Variants in ULK4 observed in about 807,000 individuals in gnomAD.
ULK4 encodes the protein inactive serine/threonine-protein kinase ULK4.
Under a neutral mutation model 160.6 loss-of-function variants are expected in ULK4, and 133 were observed. The ratio of observed to expected loss-of-function variants is 0.83; its 90% confidence interval spans 0.72 to 0.96. The LOEUF (loss-of-function observed/expected upper bound fraction) is 0.96. Among genes scored for constraint, ULK4 ranks in the 40% least tolerant of loss-of-function variants. ULK4 has a pLI of 0.00. For synonymous variants in ULK4, 534 were observed against 539.8 expected, an observed-to-expected ratio of 0.99 and a Z score of 0.15; for missense variants, 1,580 against 1,499.5, an observed-to-expected ratio of 1.05 and a Z score of -0.89.
At chr3:41,893,753 G>A (rs1353594909) in intron 16 of ULK4, among the ~76,000 whole-genome samples, 3 of 151,756 alleles carry the variant, frequency 2.0e-5, no homozygotes, top group Non-Finnish European at 4.4e-5. Flanking sequence ...TTTACAATAC[G>A]TAATATATAT....
intron 30 of ULK4, among the ~76,000 whole-genome samples, chr3:41,629,836 A>T (rs1077101): frequency 0.046 from 6,974 of 151,830 alleles, 216 homozygotes; most frequent in African/African-American, 0.075. Flanking sequence ...ATAAAAAAAA[A>T]AAATATAAAA....
chr3:41,853,457 C>T (rs529938975), intron 17 of ULK4, among the ~76,000 whole-genome samples: 48 of 152,290 alleles, frequency 3.2e-4, no homozygotes, highest in African/African-American at 9.9e-4. Context: ...AGAACAGACT[C>T]CTCATGGCAA....
intron 20 of ULK4, among the ~76,000 whole-genome samples, chr3:41,796,418 C>T (rs2040301860): frequency 6.6e-6 from 1 of 151,990 alleles, no homozygotes; most frequent in African/African-American, 2.4e-5. Context: ...ATGAAACATC[C>T]TCTCTACTAA....
chr3:41,395,871 G>C (rs937713805), intron 35 of ULK4, among the ~76,000 whole-genome samples: 1 of 152,064 alleles, frequency 6.6e-6, no homozygotes, highest in South Asian at 2.1e-4. Context: ...AAAATCACTT[G>C]GATTCAACTT....
intron 21 of ULK4, among the ~76,000 whole-genome samples, chr3:41,767,116 T>C (rs1409030804): frequency 6.6e-6 from 1 of 152,220 alleles, no homozygotes; most frequent in Non-Finnish European, 1.5e-5. Context: ...GATAAGGATA[T>C]TATTAATACT....
intron 32 of ULK4, among the ~76,000 whole-genome samples, chr3:41,508,315 C>T (rs987478868): frequency 1.3e-5 from 2 of 152,162 alleles, no homozygotes; most frequent in African/African-American, 2.4e-5. Context: ...TCAGACATGC[C>T]TATACCTGCC....
chr3:41,588,762 A>G (rs192036671), intron 31 of ULK4, among the ~76,000 whole-genome samples: 3 of 152,360 alleles, frequency 2.0e-5, no homozygotes, highest in Non-Finnish European at 2.9e-5. Context: ...GTTACAGTTG[A>G]CAAATTGGGC....
At chr3:41,863,748 C>T (rs2042557917) in intron 17 of ULK4, among the ~76,000 whole-genome samples, 1 of 151,930 alleles carries the variant, frequency 6.6e-6, no homozygotes, top group East Asian at 1.9e-4. Context: ...ATCTGGGAGC[C>T]AGGGCCCGAA....
At position 41,636,734 on chromosome 3, in the gene ULK4, C is replaced by T. The variant is rs574536907; in HGVS notation, c.3072-21017G>A. ...ACTCGTCATTTAGCATTAGGTATAT[C>T]TCCTAATGCTATCCCTCCCCCGTCC... is the stretch of plus-strand genomic sequence containing the variant. On this transcript the variant is annotated intron_variant, in intron 30 of 36. Transcript: ENST00000301831. 8.6e-5 allele frequency among the ~76,000 whole-genome samples: 13 copies of T among 152,002 alleles called. 1 individual carries two copies. In the East Asian group the frequency reaches 2.3e-3, roughly 27 times the overall value.
Position 41,717,831 on chromosome 3 carries a change from T to G in ULK4, c.2352A>C (p.Arg784Ser), listed in dbSNP as rs1326950270. 1 of 1,614,002 alleles carries G rather than the reference T, an allele frequency of 6.2e-7. No homozygotes were observed. The highest frequency in any genetic ancestry group is 8.5e-7 in the Non-Finnish European group (1 of 1,179,996). Residue 784 changes from arginine (R) to serine (S), a missense_variant, in exon 23 of 37, where the codon AGA becomes AGC. By Grantham distance (110) the Arg-to-Ser change is moderately radical (BLOSUM62 -1). Transcript: ENST00000301831. ...RLVMYIERDS[R>S]KTTPGKEQQS... Reference sequence around the variant, plus strand: ...GCTGCTCCTTGCCTGGAGTGGTCTTTCTGCTGTCTCTCTCGATGTACATCA... The same window carrying G: ...GCTGCTCCTTGCCTGGAGTGGTCTTGCTGCTGTCTCTCTCGATGTACATCA...
At chr3:41,571,477 C>T (rs967539712) in intron 31 of ULK4, among the ~76,000 whole-genome samples, 9 of 152,066 alleles carry the variant, frequency 5.9e-5, no homozygotes, top group Non-Finnish European at 1.0e-4. Context: ...TATTAGCTTA[C>T]GGGGGTAAAC....
At chr3:41,559,182 C>A (rs1035807803) in intron 32 of ULK4, among the ~76,000 whole-genome samples, 4 of 148,266 alleles carry the variant, frequency 2.7e-5, no homozygotes, top group African/African-American at 9.8e-5. Flanking sequence ...CAGCTTCATC[C>A]ATGTCCCTAC....
At chr3:41,470,814 A>G (rs547343350) in intron 32 of ULK4, among the ~76,000 whole-genome samples, 1 of 152,320 alleles carries the variant, frequency 6.6e-6, no homozygotes, top group South Asian at 2.1e-4. Context: ...TCTCATGGTA[A>G]TCACAAAATA....
At chr3:41,809,146 AC>A (rs1263667408) in intron 19 of ULK4, among the ~76,000 whole-genome samples, 1 of 150,678 alleles carries the variant, frequency 6.6e-6, no homozygotes, top group Non-Finnish European at 1.5e-5. Context: ...AGCCTGTGCA[AC>A]AGAGCAAGAC....
At chr3:41,252,570 T>C (rs757323633) in intron 35 of ULK4, among the ~76,000 whole-genome samples, 4 of 116,124 alleles carry the variant, frequency 3.4e-5, no homozygotes, top group Non-Finnish European at 5.2e-5. Context: ...CTGAAGAAGA[T>C]AGATCAATAG....
At chr3:41,786,598 CA>C (rs34207417) in intron 21 of ULK4, among the ~76,000 whole-genome samples, 6,235 of 64,136 alleles carry the variant, frequency 0.097, 258 homozygotes, top group African/African-American at 0.23. Context: ...ATCCTGTCTC[CA>C]AAAAAAAAAA....
intron 34 of ULK4, among the ~76,000 whole-genome samples, chr3:41,429,826 T>C (rs1393954236): frequency 6.6e-6 from 1 of 152,090 alleles, no homozygotes; most frequent in African/African-American, 2.4e-5. Flanking sequence ...GATGGGTTGA[T>C]AGGTACAGCA....
intron 35 of ULK4, among the ~76,000 whole-genome samples, chr3:41,343,349 A>G (rs11129900): frequency 0.56 from 79,686 of 142,490 alleles, 24,155 homozygotes; most frequent in African/African-American, 0.82. Context: ...CTGTCACCCA[A>G]GCTGGAGTGC....
At chr3:41,818,452 C>G (rs1268130913) in intron 19 of ULK4, among the ~76,000 whole-genome samples, 1 of 152,216 alleles carries the variant, frequency 6.6e-6, no homozygotes, top group Non-Finnish European at 1.5e-5. Context: ...GTGCACCTAG[C>G]TTGAAGCTCT....
Sources: allele counts gnomAD v4.1 joint callset (sites outside exome capture counted in the v4.1 genomes callset), GRCh38; gene constraint gnomAD v4.1.1; transcripts MANE v1.5; gene names NCBI Gene and HGNC (gene_info 2026-07-23, HGNC 2026-07-21).